Variants in CA10 observed in about 807,000 individuals in gnomAD.
The protein encoded by CA10 is carbonic anhydrase-related protein 10.
A neutral mutation model predicts 44.2 loss-of-function variants in CA10; 14 were observed. That is an observed-to-expected ratio of 0.32 (90% CI 0.21 to 0.50). The LOEUF (loss-of-function observed/expected upper bound fraction) is 0.50. Among genes scored for constraint, CA10 ranks in the 20% least tolerant of loss-of-function variants. The pLI is 0.99. For synonymous variants in CA10, 159 were observed against 141.6 expected (o/e 1.12, Z -0.87); for missense variants, 350 against 409.7 (o/e 0.85, Z 1.26).
At chr17:52,032,285 A>G (rs2144175212) in intron 2 of CA10, among the ~76,000 whole-genome samples, 1 of 152,054 alleles carries the variant, frequency 6.6e-6, no homozygotes, top group South Asian at 2.1e-4. Context: ...ATATCACTTT[A>G]TTATTATTAT....
chr17:51,760,860 A>G (rs1019878161), intron 3 of CA10, among the ~76,000 whole-genome samples: 1 of 152,238 alleles, frequency 6.6e-6, no homozygotes, highest in Non-Finnish European at 1.5e-5. Context: ...ATGTAACCCA[A>G]TATATCCAAA....
intron 3 of CA10, among the ~76,000 whole-genome samples, chr17:51,870,310 C>T (rs1293080416): frequency 6.6e-6 from 1 of 152,200 alleles, no homozygotes; most frequent in African/African-American, 2.4e-5. Context: ...TGCTATTTTG[C>T]CCATCATGAA....
At chr17:51,965,768 A>G (rs1370298590) in intron 2 of CA10, among the ~76,000 whole-genome samples, 1 of 152,036 alleles carries the variant, frequency 6.6e-6, no homozygotes, top group Non-Finnish European at 1.5e-5. Context: ...AACAGGCAAA[A>G]GCTGAAAGCA....
Position 51,910,487 on chromosome 17 carries a change from A to G in CA10, c.279+20503T>C, listed in dbSNP as rs1328387100. Reference sequence around the variant, plus strand: ...GGATAAGAAAAACATATTGTATCTAACATTACGTTTAACAACAAAAACAAC... The same window carrying G: ...GGATAAGAAAAACATATTGTATCTAGCATTACGTTTAACAACAAAAACAAC... On this transcript the variant is annotated intron_variant, in intron 3 of 8. Coordinates refer to ENST00000451037, the MANE Select transcript of CA10 (RefSeq NM_020178.5). Among the ~76,000 whole-genome samples, 3 of 152,256 alleles carry G rather than the reference A, an allele frequency of 2.0e-5. 1 individual carries two copies. In the Middle Eastern group the frequency reaches 0.01, roughly 518 times the overall value.
rs570841854 is a variant in CA10, at chr17:51,878,777, A to T, written c.279+52213T>A. Among the ~76,000 whole-genome samples the T allele has an allele frequency of 1.1e-3, 151 of 142,268 alleles. 2 individuals are homozygous for T. The South Asian group carries it at 0.019, about 18-fold the overall frequency. The allele number at this position is 142,268 out of a possible 152,430, so 93.3% of individuals were successfully genotyped here. On this transcript the variant is annotated intron_variant, in intron 3 of 8. Transcript: ENST00000451037. ...TTTTCAAGCTTATAACTATTCATTC[A>T]CTGACAAACAGGGTGCTCTTCCAAG...
chr17:52,095,317 G>A (rs1030568019), intron 1 of CA10, among the ~76,000 whole-genome samples: 3 of 152,026 alleles, frequency 2.0e-5, no homozygotes, highest in Non-Finnish European at 2.9e-5. Context: ...GGGTGAGGGC[G>A]AAGGGTGTTG....
At chr17:52,006,961 A>G (rs1006452337) in intron 2 of CA10, among the ~76,000 whole-genome samples, 4 of 151,632 alleles carry the variant, frequency 2.6e-5, no homozygotes, top group Admixed American at 6.6e-5. Context: ...TAATTTTTTG[A>G]TTGTTGTTAA....
intron 3 of CA10, among the ~76,000 whole-genome samples, chr17:51,851,082 AG>A (rs1363386199): frequency 6.6e-6 from 1 of 152,234 alleles, no homozygotes; most frequent in Non-Finnish European, 1.5e-5. Context: ...CCTAGCATGG[AG>A]TCTAGAAAGA....
At chr17:51,843,267 A>G (rs1978357634) in intron 3 of CA10, among the ~76,000 whole-genome samples, 2 of 152,196 alleles carry the variant, frequency 1.3e-5, no homozygotes, top group Admixed American at 1.3e-4. Flanking sequence ...AGAAAGGTAG[A>G]CAGCTTCTCA....
intron 2 of CA10, among the ~76,000 whole-genome samples, chr17:52,032,722 C>A (rs1986504963): frequency 6.6e-6 from 1 of 152,068 alleles, no homozygotes; most frequent in Admixed American, 6.6e-5. Context: ...ATTTATTGAG[C>A]AAATATTGGA....
chr17:51,794,604 A>G (rs1040207586), intron 3 of CA10, among the ~76,000 whole-genome samples: 1 of 152,254 alleles, frequency 6.6e-6, no homozygotes, highest in African/African-American at 2.4e-5. Flanking sequence ...CATGTGTTAT[A>G]TATCTATATA....
chr17:51,954,558 C>T (rs961595487), intron 2 of CA10, among the ~76,000 whole-genome samples: 2 of 152,250 alleles, frequency 1.3e-5, no homozygotes, highest in Admixed American at 6.5e-5. Context: ...TAAGGCACTA[C>T]GTCCTAGAGC....
intron 2 of CA10, among the ~76,000 whole-genome samples, chr17:51,969,581 T>C (rs1461457320): frequency 6.6e-6 from 1 of 152,036 alleles, no homozygotes; most frequent in Non-Finnish European, 1.5e-5. Flanking sequence ...TTCCCTAATC[T>C]GCTATGTTGA....
At chr17:51,837,407 G>A (rs536480365) in intron 3 of CA10, among the ~76,000 whole-genome samples, 1 of 152,280 alleles carries the variant, frequency 6.6e-6, no homozygotes, top group South Asian at 2.1e-4. Context: ...TTAGATGGAT[G>A]GATTAAGTAC....
chr17:51,880,509 C>T (rs1980314886), intron 3 of CA10, among the ~76,000 whole-genome samples: 1 of 151,974 alleles, frequency 6.6e-6, no homozygotes, highest in South Asian at 2.1e-4. Flanking sequence ...GCCATGTTGC[C>T]CAGGCTTGTC....
intron 1 of CA10, among the ~76,000 whole-genome samples, chr17:52,109,734 A>G (rs952609076): frequency 6.6e-6 from 1 of 152,236 alleles, no homozygotes; most frequent in African/African-American, 2.4e-5. Context: ...ACATTCCATT[A>G]TTCTCTCCAT....
At chr17:52,100,223 G>A (rs1988505570) in intron 1 of CA10, among the ~76,000 whole-genome samples, 1 of 152,192 alleles carries the variant, frequency 6.6e-6, no homozygotes, top group Non-Finnish European at 1.5e-5. Context: ...CAAAGACCTT[G>A]AGAAGGTGAA....
At chr17:51,927,372 T>C (rs1441126547) in intron 3 of CA10, among the ~76,000 whole-genome samples, 4 of 152,180 alleles carry the variant, frequency 2.6e-5, no homozygotes, top group Admixed American at 6.5e-5. Context: ...AAGTGGGTTT[T>C]AGTCTCAGTT....
intron 1 of CA10, among the ~76,000 whole-genome samples, chr17:52,100,219 C>A (rs1988505492): frequency 6.6e-6 from 1 of 152,032 alleles, no homozygotes; most frequent in Non-Finnish European, 1.5e-5. Context: ...GAAGCAAAGA[C>A]CTTGAGAAGG....
Sources: allele counts gnomAD v4.1 joint callset (sites outside exome capture counted in the v4.1 genomes callset), GRCh38; gene constraint gnomAD v4.1.1; transcripts MANE v1.5; gene names NCBI Gene and HGNC (gene_info 2026-07-23, HGNC 2026-07-21).